Variants in TENM1 observed in about 807,000 individuals in gnomAD.
The protein encoded by TENM1 is teneurin transmembrane protein 1, also known as teneurin-1.
Under a neutral mutation model 174.8 loss-of-function variants are expected in TENM1, and 35 were observed. The observed-to-expected ratio is 0.20, with a 90% confidence interval of 0.15 to 0.27. TENM1 has a LOEUF of 0.27. Among genes scored for constraint, TENM1 ranks in the 10% least tolerant of loss-of-function variants. The pLI is 1.00. For missense variants in TENM1, 1,633 were observed against 2,130.1 expected (o/e 0.77, Z 4.59); for synonymous variants, 781 against 798.7 (o/e 0.98, Z 0.37).
At chrX:125,044,202 T>TA in the TENM1 span, among the ~76,000 whole-genome samples, 3,000 of 55,764 alleles carry the variant, frequency 0.054, 195 homozygotes, top group African/African-American at 0.26. Context: ...AGATTAAAAA[T>TA]AAAAAAAAAT....
the TENM1 span, among the ~76,000 whole-genome samples, chrX:125,178,458 G>A: frequency 9.1e-6 from 1 of 110,143 alleles, no homozygotes; most frequent in African/African-American, 3.3e-5. Flanking sequence ...ACTTTATCTT[G>A]TTTTAAGATC....
At chrX:125,137,690 C>T in the TENM1 span, among the ~76,000 whole-genome samples, 1 of 111,606 alleles carries the variant, frequency 9.0e-6, no homozygotes, top group South Asian at 3.8e-4. Flanking sequence ...TCCAGGCACA[C>T]TTGCATGAGA....
At chrX:125,189,784 C>T in the TENM1 span, among the ~76,000 whole-genome samples, 1 of 112,150 alleles carries the variant, frequency 8.9e-6, no homozygotes, top group Non-Finnish European at 1.9e-5. Context: ...TGAATATGCA[C>T]ATAATGTGAA....
At chrX:124,939,834 A>T (rs2058299768) in intron 1 of TENM1, among the ~76,000 whole-genome samples, 2 of 112,101 alleles carry the variant, frequency 1.8e-5, no homozygotes, top group Non-Finnish European at 3.8e-5. Flanking sequence ...AGCTATTCAG[A>T]CTTCCCTGAC....
At chrX:125,080,162 T>G in the TENM1 span, among the ~76,000 whole-genome samples, 28 of 110,894 alleles carry the variant, frequency 2.5e-4, no homozygotes, top group African/African-American at 8.2e-4. Flanking sequence ...ACCTCCCTTT[T>G]AGCAGAGAGG....
At chrX:124,897,792 C>A (rs1367555834) in intron 1 of TENM1, among the ~76,000 whole-genome samples, 1 of 112,246 alleles carries the variant, frequency 8.9e-6, no homozygotes, top group Non-Finnish European at 1.9e-5. Context: ...TGGCTAAATT[C>A]CAAAGGAGTA....
chrX:125,073,616 C>T, the TENM1 span, among the ~76,000 whole-genome samples: 1 of 110,894 alleles, frequency 9.0e-6, no homozygotes. Flanking sequence ...ATTGTCAACA[C>T]TGGTCTTTCT....
intron 20 of TENM1, among the ~76,000 whole-genome samples, chrX:124,495,025 C>T (rs1258111240): frequency 5.8e-5 from 6 of 104,253 alleles, no homozygotes; most frequent in Admixed American, 3.2e-4. Flanking sequence ...TGGGTATATA[C>T]CCAGTAATGG....
At chrX:125,183,324 G>A in the TENM1 span, among the ~76,000 whole-genome samples, 1 of 112,072 alleles carries the variant, frequency 8.9e-6, no homozygotes, top group African/African-American at 3.2e-5. Context: ...AGAGTCAATG[G>A]TCCTTCAGCT....
chrX:124,968,406 T>TGTTAAAATGTTAA (rs2058752562), upstream of TENM1, among the ~76,000 whole-genome samples: 2 of 111,889 alleles, frequency 1.8e-5, no homozygotes, highest in Admixed American at 1.9e-4. Context: ...ATATGATTTA[T>TGTTAAAATGTTAA]CATGTTAAAA....
At chrX:124,393,245 G>T (rs2060300305) in intron 27 of TENM1, among the ~76,000 whole-genome samples, 1 of 107,393 alleles carries the variant, frequency 9.3e-6, no homozygotes, top group Non-Finnish European at 1.9e-5. Context: ...AAATGACTTA[G>T]TAAAAAAAAA....
chrX:124,409,087 G>A (rs181642288), intron 25 of TENM1, among the ~76,000 whole-genome samples: 2,358 of 109,696 alleles, frequency 0.021, 35 homozygotes, highest in Non-Finnish European at 0.035. Flanking sequence ...CATTTGGGTT[G>A]GTTCCAAGTC....
At chrX:124,639,142 C>T (rs1389256619) in intron 11 of TENM1, among the ~76,000 whole-genome samples, 1 of 111,862 alleles carries the variant, frequency 8.9e-6, no homozygotes, top group African/African-American at 3.2e-5. Context: ...ATGCAAATTC[C>T]TCAGCATAGT....
the TENM1 span, among the ~76,000 whole-genome samples, chrX:124,996,554 C>A: frequency 1.4e-5 from 1 of 73,762 alleles, no homozygotes; most frequent in Non-Finnish European, 2.5e-5. Context: ...AAAAACCACA[C>A]ACACACACAC....
At chrX:124,658,573 CTATT>C (rs1239665943) in intron 6 of TENM1, among the ~76,000 whole-genome samples, 1 of 111,766 alleles carries the variant, frequency 8.9e-6, no homozygotes, top group Non-Finnish European at 1.9e-5. Flanking sequence ...AGAATTATAA[CTATT>C]TACACACATA....
intron 3 of TENM1, among the ~76,000 whole-genome samples, chrX:124,855,319 T>C (rs1456035777): frequency 9.0e-6 from 1 of 111,705 alleles, no homozygotes; most frequent in African/African-American, 3.2e-5. Flanking sequence ...TTCTCTTTTC[T>C]TACCTGATTT....
At chrX:124,800,850 A>C (rs1283419957) in intron 3 of TENM1, among the ~76,000 whole-genome samples, 1 of 111,701 alleles carries the variant, frequency 9.0e-6, no homozygotes, top group Non-Finnish European at 1.9e-5. Context: ...CCTTAATTTC[A>C]TTATTTACCC....
chrX:124,826,589 C>T (rs927912348), intron 3 of TENM1, among the ~76,000 whole-genome samples: 1 of 111,454 alleles, frequency 9.0e-6, no homozygotes, highest in African/African-American at 3.3e-5. Flanking sequence ...CAAGATGTAA[C>T]ATTACATAAA....
intron 3 of TENM1, among the ~76,000 whole-genome samples, chrX:124,815,644 T>A (rs1278633559): frequency 9.0e-6 from 1 of 111,112 alleles, no homozygotes; most frequent in East Asian, 2.8e-4. Context: ...TATTTTAGAG[T>A]CAATTTTCAA....
Sources: allele counts gnomAD v4.1 joint callset (sites outside exome capture counted in the v4.1 genomes callset), GRCh38; gene constraint gnomAD v4.1.1; transcripts MANE v1.5; gene names NCBI Gene and HGNC (gene_info 2026-07-23, HGNC 2026-07-21).